The following DCAF6 variants were observed in gnomAD, a reference collection of about 807,000 sequenced individuals.
DCAF6 encodes DDB1- and CUL4-associated factor 6.
A neutral mutation model predicts 125.1 loss-of-function variants in DCAF6; 54 were observed. The observed-to-expected ratio is 0.43, with a 90% CI of 0.35 to 0.54. The LOEUF (loss-of-function observed/expected upper bound fraction) is 0.54, where lower values mean the gene tolerates loss of function less well. Among genes scored for constraint, DCAF6 ranks in the 20% least tolerant of loss-of-function variants. The probability of loss-of-function intolerance (pLI) is 0.01; values close to 1 mark genes in which losing one functional copy is unlikely to be tolerated. For synonymous variants in DCAF6, 371 were observed against 390.4 expected (o/e 0.95, Z 0.58); for missense variants, 934 against 1,161.7 (o/e 0.80, Z 2.85).
At chr1:167,889,878 A>T in the DCAF6 span, among the ~76,000 whole-genome samples, 1 of 152,104 alleles carries the variant, frequency 6.6e-6, no homozygotes, top group Non-Finnish European at 1.5e-5. Flanking sequence ...ATCAGTTGTA[A>T]TGTCTCCTCT....
chr1:167,950,964 A>G (rs934459350), intron 1 of DCAF6, among the ~76,000 whole-genome samples: 1 of 152,242 alleles, frequency 6.6e-6, no homozygotes, highest in Non-Finnish European at 1.5e-5. Flanking sequence ...ATGCTTAAAA[A>G]TAGTTGGTAC....
chr1:167,904,576 G>A, the DCAF6 span: 13 of 402,394 alleles, frequency 3.2e-5, no homozygotes, highest in Admixed American at 1.2e-4. Context: ...TTTTCATTCC[G>A]TGGTAACAAA....
At chr1:168,031,985 C>G (rs1216978133) in intron 12 of DCAF6, among the ~76,000 whole-genome samples, 1 of 151,618 alleles carries the variant, frequency 6.6e-6, no homozygotes, top group Non-Finnish European at 1.5e-5. Flanking sequence ...AATGTGGAAC[C>G]AAGCACAGTT....
At chr1:167,972,999 G>A in intron 3 of DCAF6, among the ~76,000 whole-genome samples, 1 of 152,174 alleles carries the variant, frequency 6.6e-6, no homozygotes, top group East Asian at 1.9e-4. Context: ...TAAGAGTAAT[G>A]TCTGCTGAAT....
At chr1:167,960,167 C>G (rs957058965) in intron 2 of DCAF6, among the ~76,000 whole-genome samples, 4 of 151,840 alleles carry the variant, frequency 2.6e-5, no homozygotes, top group African/African-American at 9.7e-5. Flanking sequence ...GTCAAAGGTC[C>G]GATGATCGTG....
At chr1:168,037,675 G>A (rs1688012272) in intron 12 of DCAF6, among the ~76,000 whole-genome samples, 1 of 152,080 alleles carries the variant, frequency 6.6e-6, no homozygotes, top group South Asian at 2.1e-4. Context: ...AGATAGATGT[G>A]TATTATAGAC....
chr1:167,934,559 A>T (rs1248092008), upstream of DCAF6, among the ~76,000 whole-genome samples: 1 of 152,228 alleles, frequency 6.6e-6, no homozygotes, highest in Non-Finnish European at 1.5e-5. Flanking sequence ...AATAATATTA[A>T]GGGTTAGAGT....
At chr1:168,020,472 G>GA (rs547133176) in intron 11 of DCAF6, among the ~76,000 whole-genome samples, 44 of 152,276 alleles carry the variant, frequency 2.9e-4, no homozygotes, top group African/African-American at 1.0e-3. Context: ...AATTGACCAT[G>GA]AGACATGCTG....
At chr1:168,000,621 C>T (rs1318080030) in intron 7 of DCAF6, among the ~76,000 whole-genome samples, 2 of 151,524 alleles carry the variant, frequency 1.3e-5, no homozygotes, top group South Asian at 2.1e-4. Context: ...AACCAATTGA[C>T]GAATGGATGA....
At chr1:167,936,141 G>A (rs1671180023), upstream of DCAF6, 1 of 379,272 alleles carries the variant, frequency 2.6e-6, no homozygotes, top group African/African-American at 2.1e-5. Context: ...CACCAAGTCT[G>A]CGCTGCGCCC....
At chr1:168,008,943 T>C (rs1196002857) in intron 10 of DCAF6, among the ~76,000 whole-genome samples, 1 of 141,396 alleles carries the variant, frequency 7.1e-6, no homozygotes, top group South Asian at 2.4e-4. Flanking sequence ...CTCTCTCTCT[T>C]TCTCTCTCTC....
intron 4 of DCAF6, among the ~76,000 whole-genome samples, chr1:167,984,695 G>A (rs893284724): frequency 6.6e-6 from 1 of 152,068 alleles, no homozygotes; most frequent in South Asian, 2.1e-4. Context: ...CATTTTCCTT[G>A]AAATGTATAC....
intron 4 of DCAF6, among the ~76,000 whole-genome samples, chr1:167,980,916 CTTT>C (rs71100920): frequency 2.6e-5 from 3 of 113,568 alleles, no homozygotes; most frequent in Non-Finnish European, 5.4e-5. Flanking sequence ...TCTGAATTTT[CTTT>C]TTTTTTTTTT....
chr1:168,010,126 C>G (rs1684077297), intron 10 of DCAF6, among the ~76,000 whole-genome samples: 1 of 152,154 alleles, frequency 6.6e-6, no homozygotes, highest in Non-Finnish European at 1.5e-5. Flanking sequence ...GATTAGCTGT[C>G]TAACCATTTA....
chr1:167,915,929 AGAGTT>A, the DCAF6 span, among the ~76,000 whole-genome samples: 1 of 152,222 alleles, frequency 6.6e-6, no homozygotes, highest in Non-Finnish European at 1.5e-5. Context: ...AATGTGTGGC[AGAGTT>A]GAGTTGAAAC....
rs1688296613 is a variant in DCAF6, at chr1:168,039,809, CTTTTA to C, written c.1727+1325_1727+1329del. On this transcript the variant is annotated intron_variant, in intron 13 of 21. Transcript: ENST00000367840. ...AATTATATGTTGATATGTGATATTA[CTTTTA>C]TTTAAATTCACTGGTTTCCATTTGT... 6.7e-5 allele frequency among the ~76,000 whole-genome samples: 10 copies of C among 150,252 alleles called. 1 individual carries two copies. The highest frequency in any genetic ancestry group is 7.2e-3 in the Middle Eastern group (2 of 278).
At chr1:167,959,978 G>T (rs1439719817) in intron 2 of DCAF6, among the ~76,000 whole-genome samples, 3 of 151,966 alleles carry the variant, frequency 2.0e-5, no homozygotes, top group East Asian at 3.8e-4. Flanking sequence ...CTTCTCAGAG[G>T]TTTATAGTTT....
chr1:168,058,698 A>G (rs986107034), intron 17 of DCAF6, among the ~76,000 whole-genome samples: 4 of 152,144 alleles, frequency 2.6e-5, no homozygotes, highest in African/African-American at 9.7e-5. Context: ...CCTCCCAGGT[A>G]GCTGGGATTA....
the DCAF6 span, among the ~76,000 whole-genome samples, chr1:167,923,830 T>C: frequency 2.1e-3 from 317 of 152,286 alleles, 2 homozygotes; most frequent in African/African-American, 7.1e-3. Flanking sequence ...AGGTCTGTGA[T>C]GGGGCCTAAC....
Sources: allele counts gnomAD v4.1 joint callset (sites outside exome capture counted in the v4.1 genomes callset), GRCh38; gene constraint gnomAD v4.1.1; transcripts MANE v1.5; gene names NCBI Gene and HGNC (gene_info 2026-07-23, HGNC 2026-07-21).